The following SH3PXD2A variants were observed in gnomAD, a reference collection of about 807,000 sequenced individuals.
SH3PXD2A encodes SH3 and PX domains 2A.
In SH3PXD2A, 32 loss-of-function variants were observed where a neutral mutation model predicts 115.2. The ratio of observed to expected loss-of-function variants is 0.28; its 90% CI spans 0.21 to 0.37. The LOEUF is 0.37. SH3PXD2A is among the 10% of genes least tolerant of loss of function. SH3PXD2A has a pLI of 1.00. For missense variants in SH3PXD2A, 1,328 were observed against 1,498.7 expected (o/e 0.89, Z 1.88); for synonymous variants, 610 against 629.1 (o/e 0.97, Z 0.45).
chr10:103,771,780 C>G (rs545695893), intron 2 of SH3PXD2A, among the ~76,000 whole-genome samples: 2 of 149,926 alleles, frequency 1.3e-5, no homozygotes, highest in East Asian at 3.9e-4. Flanking sequence ...CACACACACA[C>G]AGACACACAC....
intron 4 of SH3PXD2A, among the ~76,000 whole-genome samples, chr10:103,726,875 C>G (rs898681836): frequency 2.0e-5 from 3 of 152,196 alleles, no homozygotes; most frequent in African/African-American, 7.2e-5. Context: ...GATAAGAGAG[C>G]ATGATGTAAC....
chr10:103,777,226 C>A (rs1427167753), intron 2 of SH3PXD2A, among the ~76,000 whole-genome samples: 1 of 152,272 alleles, frequency 6.6e-6, no homozygotes, highest in East Asian at 1.9e-4. Flanking sequence ...TACACACCGG[C>A]TATTCTTATC....
At chr10:103,713,913 C>T (rs1279681327) in intron 5 of SH3PXD2A, among the ~76,000 whole-genome samples, 1 of 152,166 alleles carries the variant, frequency 6.6e-6, no homozygotes, top group African/African-American at 2.4e-5. Context: ...CCACCAGGGC[C>T]CCGAGAGTGG....
rs546079696 is a variant in SH3PXD2A at position 103,619,956 on chromosome 10, T to C, written c.802+2514A>G. Among the ~76,000 whole-genome samples, 20 of 152,296 alleles carry C rather than the reference T, an allele frequency of 1.3e-4. No individual in the cohort carries two copies. The East Asian group carries it at 3.5e-3, about 26-fold the overall frequency. ...TCCCAGCTCCTGGGTTTCCACCCAG[T>C]TGGCTCAGATGGCAGAGGCATGGAC... On this transcript the variant is annotated intron_variant, in intron 10 of 14. Coordinates refer to ENST00000369774, the MANE Select transcript of SH3PXD2A (RefSeq NM_001394015.1).
chr10:103,719,925 G>A (rs61870187), intron 5 of SH3PXD2A, among the ~76,000 whole-genome samples: 6 of 152,064 alleles, frequency 3.9e-5, no homozygotes, highest in African/African-American at 2.4e-5. Flanking sequence ...TTGCCATGTT[G>A]GCCAGGCTGA....
intron 9 of SH3PXD2A, among the ~76,000 whole-genome samples, chr10:103,623,149 C>A (rs1442793291): frequency 6.6e-6 from 1 of 152,194 alleles, no homozygotes. Context: ...TAGCACAGGG[C>A]CGGGCACACA....
chr10:103,728,978 C>T (rs1196710262), intron 4 of SH3PXD2A, among the ~76,000 whole-genome samples: 1 of 151,688 alleles, frequency 6.6e-6, no homozygotes, highest in Non-Finnish European at 1.5e-5. Context: ...CTGCAGCCTC[C>T]CCCTCGCCGG....
chr10:103,837,912 G>A (rs2039561169), intron 1 of SH3PXD2A, among the ~76,000 whole-genome samples: 1 of 152,080 alleles, frequency 6.6e-6, no homozygotes, highest in Non-Finnish European at 1.5e-5. Context: ...AGAGCCCACT[G>A]AGCCGCCTCT....
At chr10:103,747,518 T>TG (rs1467568556) in intron 3 of SH3PXD2A, among the ~76,000 whole-genome samples, 1 of 151,956 alleles carries the variant, frequency 6.6e-6, no homozygotes, top group African/African-American at 2.4e-5. Flanking sequence ...GTCCACAGTG[T>TG]GGGGGGCTTG....
intron 1 of SH3PXD2A, among the ~76,000 whole-genome samples, chr10:103,829,296 C>G (rs149020306): frequency 6.6e-6 from 1 of 152,140 alleles, no homozygotes; most frequent in Non-Finnish European, 1.5e-5. Flanking sequence ...CTGGGAGGCA[C>G]GCAGGCATCC....
chr10:103,775,646 T>G (rs1451477405), intron 2 of SH3PXD2A, among the ~76,000 whole-genome samples: 2 of 152,128 alleles, frequency 1.3e-5, no homozygotes, highest in African/African-American at 4.8e-5. Context: ...ACGGATTCCA[T>G]GAAATGCTGC....
rs537763755 is a variant in SH3PXD2A at position 103,683,180 on chromosome 10, C to T, written c.427+9848G>A. Among the ~76,000 whole-genome samples the T allele has an allele frequency of 4.0e-5, 6 of 151,852 alleles. No individual in the cohort carries two copies. In the South Asian group the frequency reaches 1.0e-3, roughly 26 times the overall value. On this transcript the variant is annotated intron_variant, in intron 6 of 14. Transcript: ENST00000369774. Reference sequence around the variant, plus strand: ...TTCAACACCAGCCTGGGCAACAAAGCGAGACCCTGTTTCTACCAAATAAAT... The same window carrying T: ...TTCAACACCAGCCTGGGCAACAAAGTGAGACCCTGTTTCTACCAAATAAAT...
Position 103,828,956 on chromosome 10 carries a change from A to G in SH3PXD2A, c.72+26239T>C, listed in dbSNP as rs1290351665. ...AATACACACACACTTGCTTTTTTTA[A>G]TGGGGCAGTCACCCGTTGCAGCTCA... is the stretch of plus-strand genomic sequence containing the variant. On this transcript the variant is annotated intron_variant, in intron 1 of 14. Coordinates refer to ENST00000369774, the MANE Select transcript of SH3PXD2A (RefSeq NM_001394015.1). Among the ~76,000 whole-genome samples the G allele has an allele frequency of 2.0e-5, 3 of 152,042 alleles. No homozygotes were observed. The East Asian group carries it at 5.8e-4, about 29-fold the overall frequency.
chr10:103,628,221 G>A (rs141553454), intron 8 of SH3PXD2A, among the ~76,000 whole-genome samples: 6 of 152,312 alleles, frequency 3.9e-5, no homozygotes, highest in Non-Finnish European at 7.3e-5. Flanking sequence ...CTGCACAGTC[G>A]CGGGAAGACC....
chr10:103,818,303 G>A (rs1256512753), intron 1 of SH3PXD2A, among the ~76,000 whole-genome samples: 1 of 152,132 alleles, frequency 6.6e-6, no homozygotes, highest in African/African-American at 2.4e-5. Flanking sequence ...GTGGGTAGAC[G>A]CCATGCTATG....
At chr10:103,718,498 G>GGC (rs2038135154) in intron 5 of SH3PXD2A, among the ~76,000 whole-genome samples, 1 of 152,022 alleles carries the variant, frequency 6.6e-6, no homozygotes, top group South Asian at 2.1e-4. Context: ...GGGGCTGGGG[G>GGC]GCTGGAGGGG....
At chr10:103,720,895 C>T (rs1160962175) in intron 5 of SH3PXD2A, among the ~76,000 whole-genome samples, 7 of 152,152 alleles carry the variant, frequency 4.6e-5, no homozygotes, top group Admixed American at 3.3e-4. Context: ...GAGACAGGGC[C>T]GGGCCCGGGG....
chr10:103,742,240 G>A (rs571738493), intron 3 of SH3PXD2A, among the ~76,000 whole-genome samples: 2 of 152,262 alleles, frequency 1.3e-5, no homozygotes, highest in South Asian at 2.1e-4. Flanking sequence ...TCCCTCTGGC[G>A]GCATCAGGGA....
At chr10:103,615,486 GTGTGTGTGTGTGTGTGTGT>G (rs1564844807) in intron 11 of SH3PXD2A, among the ~76,000 whole-genome samples, 4 of 31,246 alleles carry the variant, frequency 1.3e-4, no homozygotes, top group African/African-American at 8.6e-4. Flanking sequence ...GTGCGAGGGT[GTGTGTGTGTGTGTGTGTGT>G]GTGTGTGTGT....
Sources: allele counts gnomAD v4.1 joint callset (sites outside exome capture counted in the v4.1 genomes callset), GRCh38; gene constraint gnomAD v4.1.1; transcripts MANE v1.5; gene names NCBI Gene and HGNC (gene_info 2026-07-23, HGNC 2026-07-21).